The following PDE10A variants were observed in gnomAD, a reference collection of about 807,000 sequenced individuals.
PDE10A encodes the protein phosphodiesterase 10A, also known as cAMP and cAMP-inhibited cGMP 3',5'-cyclic phosphodiesterase 10A.
A neutral mutation model predicts 97.7 loss-of-function variants in PDE10A; 39 were observed. The observed-to-expected ratio is 0.40, with a 90% CI of 0.31 to 0.52. The LOEUF (loss-of-function observed/expected upper bound fraction) is 0.52, where lower values mean the gene tolerates loss of function less well. Among genes scored for constraint, PDE10A ranks in the 20% least tolerant of loss-of-function variants. PDE10A has a pLI of 0.56. For synonymous variants in PDE10A, 371 were observed against 376.8 expected (o/e 0.98, Z 0.18); for missense variants, 731 against 1,047.8 (o/e 0.70, Z 4.17).
chr6:165,814,426 C>T (rs551080852), intron 1 of PDE10A, among the ~76,000 whole-genome samples: 51 of 142,938 alleles, frequency 3.6e-4, no homozygotes, highest in African/African-American at 1.3e-3. Flanking sequence ...ACGATTCATA[C>T]ATTTTTGGAA....
At chr6:165,583,648 G>T (rs1256751817) in intron 1 of PDE10A, among the ~76,000 whole-genome samples, 6 of 152,188 alleles carry the variant, frequency 3.9e-5, no homozygotes, top group African/African-American at 1.2e-4. Context: ...TGAAGCAGCT[G>T]GCTTGACAGA....
At position 165,627,253 on chromosome 6, in the gene PDE10A, C is replaced by T. The variant is rs975547165; in HGVS notation, c.865+34694G>A. ...TCTGTATGTAACATACAGGCATAAG[C>T]CACCACACGTGGCCCTGTTATTTCC... is the stretch of plus-strand genomic sequence containing the variant. On this transcript the variant is annotated intron_variant, in intron 1 of 21. Transcript: ENST00000539869. 4.6e-5 allele frequency among the ~76,000 whole-genome samples: 7 copies of T among 152,188 alleles called. No individual in the cohort carries two copies. The South Asian group carries it at 1.0e-3, about 22-fold the overall frequency.
intron 1 of PDE10A, among the ~76,000 whole-genome samples, chr6:165,737,089 G>T (rs1792593941): frequency 6.6e-6 from 1 of 152,158 alleles, no homozygotes. Context: ...TGTCAAGGCT[G>T]AATCATGAAG....
intron 1 of PDE10A, among the ~76,000 whole-genome samples, chr6:165,902,375 G>A (rs1398662464): frequency 6.6e-6 from 1 of 152,140 alleles, no homozygotes; most frequent in Non-Finnish European, 1.5e-5. Flanking sequence ...TACTTTGATC[G>A]GTGTTTCTGG....
chr6:165,604,035 T>C lies in PDE10A; in HGVS notation c.865+57912A>G, dbSNP rs563939188. On this transcript the variant is annotated intron_variant, in intron 1 of 21. Transcript: ENST00000539869. The stretch of plus-strand genomic sequence containing the variant: ...TCAAGATATGTACATAAAGAAAATA[T>C]TTAGGATTAGCCAAGAAAAATATAT... 2.6e-5 allele frequency among the ~76,000 whole-genome samples: 4 copies of C among 152,288 alleles called. No individual in the cohort carries two copies. In the South Asian group the frequency reaches 8.3e-4, roughly 32 times the overall value.
At chr6:165,637,298 C>A (rs545849791) in intron 1 of PDE10A, among the ~76,000 whole-genome samples, 1 of 152,206 alleles carries the variant, frequency 6.6e-6, no homozygotes, top group East Asian at 1.9e-4. Context: ...AAACAACCAC[C>A]ACCACCTATA....
rs140543916 is a variant in PDE10A, at chr6:165,450,351, C to T, written c.1035G>A (p.Thr345=). ...APKEVSRYQD[T]NMQGVVYELN... is the part of the protein sequence containing the mutation. ...GTTCATATACAACTCCCTGCATATT[C>T]GTATCTTGGTACTTTGGATTAAAAA... Residue 345 remains threonine, a synonymous_variant, in exon 4 of 22, where the codon ACG becomes ACA. Transcript: ENST00000539869. The T allele has an allele frequency of 2.1e-5, 32 of 1,534,156 alleles. No homozygotes were observed. Among genetic ancestry groups the T allele is most frequent in the African/African-American group, 2.7e-5 (2 of 72,884 alleles).
chr6:165,615,203 C>G (rs1259886510), intron 1 of PDE10A, among the ~76,000 whole-genome samples: 1 of 119,970 alleles, frequency 8.3e-6, no homozygotes, highest in African/African-American at 3.2e-5. Flanking sequence ...GAGCAAGACT[C>G]CATCTCAGAA....
intron 17 of PDE10A, among the ~76,000 whole-genome samples, chr6:165,381,178 G>C (rs891206683): frequency 2.0e-5 from 3 of 152,184 alleles, no homozygotes; most frequent in African/African-American, 7.2e-5. Context: ...AAATTCTGTA[G>C]GGGGACAAAA....
Position 165,481,169 on chromosome 6 carries a change from T to C in PDE10A, c.1023+1146A>G, listed in dbSNP as rs112953363. On this transcript the variant is annotated intron_variant, in intron 3 of 21. Coordinates refer to ENST00000539869, the MANE Select transcript of PDE10A (RefSeq NM_001385079.1). The stretch of plus-strand genomic sequence containing the variant: ...TTCACTTTTCAGAGTCCCCATCTTA[T>C]CCTCAAGCATCACTTTTCAGCATTT... 6.6e-4 allele frequency among the ~76,000 whole-genome samples: 100 copies of C among 152,324 alleles called. 1 individual carries two copies. Among genetic ancestry groups the C allele is most frequent in the Non-Finnish European group, 1.3e-3 (90 of 68,024 alleles).
At chr6:165,793,255 T>C (rs564508384) in intron 1 of PDE10A, among the ~76,000 whole-genome samples, 1 of 152,298 alleles carries the variant, frequency 6.6e-6, no homozygotes, top group Admixed American at 6.5e-5. Context: ...CCATTCTTTT[T>C]ATTTTTCTTT....
At chr6:165,462,599 C>T (rs938219631) in intron 3 of PDE10A, among the ~76,000 whole-genome samples, 20 of 152,250 alleles carry the variant, frequency 1.3e-4, no homozygotes, top group African/African-American at 4.3e-4. Flanking sequence ...GCAGCCATGT[C>T]GAGACTGACG....
intron 1 of PDE10A, among the ~76,000 whole-genome samples, chr6:165,594,299 G>C (rs888280458): frequency 6.6e-6 from 1 of 152,066 alleles, no homozygotes; most frequent in Non-Finnish European, 1.5e-5. Flanking sequence ...GTGTTTCTGA[G>C]GTTAATAAAG....
intron 1 of PDE10A, among the ~76,000 whole-genome samples, chr6:165,654,449 A>G (rs1789837443): frequency 6.6e-6 from 1 of 151,944 alleles, no homozygotes. Flanking sequence ...AAGCTGGGGA[A>G]AGCACTGTGA....
At chr6:165,870,338 G>A (rs949164520) in intron 1 of PDE10A, among the ~76,000 whole-genome samples, 2 of 152,104 alleles carry the variant, frequency 1.3e-5, no homozygotes, top group South Asian at 4.1e-4. Context: ...CGGCCAAGAA[G>A]TACATGAAAA....
intron 1 of PDE10A, among the ~76,000 whole-genome samples, chr6:165,624,199 C>T (rs927267334): frequency 1.1e-4 from 16 of 152,236 alleles, no homozygotes; most frequent in African/African-American, 3.9e-4. Flanking sequence ...TGGCCCAGGC[C>T]TCGTGGCCTC....
chr6:165,466,889 C>T (rs1201869532), intron 3 of PDE10A, among the ~76,000 whole-genome samples: 1 of 152,164 alleles, frequency 6.6e-6, no homozygotes, highest in Middle Eastern at 3.2e-3. Flanking sequence ...AAAGCCAAGA[C>T]AGGCTGAGAA....
chr6:165,773,950 AAAGCTGAG>A (rs902058738), intron 1 of PDE10A, among the ~76,000 whole-genome samples: 3 of 151,674 alleles, frequency 2.0e-5, no homozygotes, highest in African/African-American at 7.3e-5. Context: ...TTTTTTTTCT[AAAGCTGAG>A]ATGCTTTTAA....
At chr6:165,832,083 A>G (rs2128471267) in intron 1 of PDE10A, among the ~76,000 whole-genome samples, 1 of 152,260 alleles carries the variant, frequency 6.6e-6, no homozygotes, top group African/African-American at 2.4e-5. Context: ...AAGTGAATGT[A>G]TTTTTCAGTA....
Sources: allele counts gnomAD v4.1 joint callset (sites outside exome capture counted in the v4.1 genomes callset), GRCh38; gene constraint gnomAD v4.1.1; transcripts MANE v1.5; gene names NCBI Gene and HGNC (gene_info 2026-07-23, HGNC 2026-07-21).